PRICKLE2: variants seen among roughly 807,000 people sequenced by gnomAD.
PRICKLE2 encodes prickle planar cell polarity protein 2.
A neutral mutation model predicts 81.4 loss-of-function variants in PRICKLE2; 21 were observed. That is an observed-to-expected ratio of 0.26 (90% confidence interval 0.18 to 0.37). The LOEUF (loss-of-function observed/expected upper bound fraction) is 0.37. Among genes scored for constraint, PRICKLE2 ranks in the 10% least tolerant of loss-of-function variants. The pLI, the probability that PRICKLE2 is intolerant of heterozygous loss-of-function variation, is 1.00. For synonymous variants in PRICKLE2, 456 were observed against 421.5 expected, an observed-to-expected ratio of 1.08 and a Z score of -1.00; for missense variants, 940 against 1,109.0, an observed-to-expected ratio of 0.85 and a Z score of 2.16.
intron 2 of PRICKLE2, among the ~76,000 whole-genome samples, chr3:64,179,524 C>G (rs974178582): frequency 6.6e-6 from 1 of 152,152 alleles, no homozygotes; most frequent in Non-Finnish European, 1.5e-5. Flanking sequence ...AAATAGACCA[C>G]TTGTTTATTC....
chr3:64,258,844 AAAAAGAAAGAAAGAAAG>A (rs2079569555), intron 2 of PRICKLE2, among the ~76,000 whole-genome samples: 2 of 84,172 alleles, frequency 2.4e-5, no homozygotes, highest in Admixed American at 1.6e-4. Flanking sequence ...AAAAAAAAAA[AAAAAGAAAGAAAGAAAG>A]AAAGAAAGAA....
chr3:64,142,366 A>G (rs1278033026), intron 7 of PRICKLE2, among the ~76,000 whole-genome samples: 1 of 141,136 alleles, frequency 7.1e-6, no homozygotes, highest in East Asian at 2.1e-4. Flanking sequence ...GCTGGGGTGC[A>G]GTGGTGTGAT....
chr3:64,155,422 C>G (rs997820384), intron 5 of PRICKLE2, among the ~76,000 whole-genome samples: 1 of 150,636 alleles, frequency 6.6e-6, no homozygotes, highest in Admixed American at 6.6e-5. Context: ...AATTGGAATC[C>G]TCATTCATTG....
At chr3:64,165,186 G>C (rs1001008266) in intron 2 of PRICKLE2, among the ~76,000 whole-genome samples, 13 of 152,096 alleles carry the variant, frequency 8.5e-5, no homozygotes, top group Admixed American at 7.9e-4. Context: ...CATACCCCCT[G>C]TCCATTGCCT....
intron 2 of PRICKLE2, among the ~76,000 whole-genome samples, chr3:64,191,365 T>C (rs912313050): frequency 2.0e-5 from 3 of 152,146 alleles, no homozygotes; most frequent in African/African-American, 4.8e-5. Context: ...TTGAGCAACT[T>C]CTACGTGCAG....
At chr3:64,248,698 C>T (rs184490905) in intron 2 of PRICKLE2, among the ~76,000 whole-genome samples, 105 of 151,790 alleles carry the variant, frequency 6.9e-4, no homozygotes, top group Middle Eastern at 3.4e-3. Context: ...CCCTCCCCAT[C>T]CCATTCCATA....
chr3:64,225,947 C>T (rs1055761272), upstream of PRICKLE2, among the ~76,000 whole-genome samples: 4 of 151,300 alleles, frequency 2.6e-5, no homozygotes, highest in African/African-American at 4.9e-5. Context: ...TGTTTTTTGG[C>T]CTGAGACTAT....
At chr3:64,237,148 G>A in intron 2 of PRICKLE2, among the ~76,000 whole-genome samples, 1 of 152,104 alleles carries the variant, frequency 6.6e-6, no homozygotes, top group African/African-American at 2.4e-5. Context: ...AGTGTCTAGG[G>A]ATTGTCTATG....
chr3:64,141,119 A>G (rs1209736103), intron 7 of PRICKLE2, among the ~76,000 whole-genome samples: 1 of 152,246 alleles, frequency 6.6e-6, no homozygotes, highest in East Asian at 1.9e-4. Context: ...ACATGAAGCC[A>G]TTAGCATGTC....
intron 7 of PRICKLE2, chr3:64,102,967 T>A (rs983193118): frequency 6.6e-6 from 1 of 152,162 alleles, no homozygotes; most frequent in Non-Finnish European, 1.5e-5. Context: ...TGTGTGTGTG[T>A]GCGTGTGTGT....
At chr3:64,136,180 C>G (rs775876404) in intron 7 of PRICKLE2, among the ~76,000 whole-genome samples, 2 of 152,022 alleles carry the variant, frequency 1.3e-5, no homozygotes, top group Non-Finnish European at 2.9e-5. Context: ...ATATAATCCA[C>G]TTTTTCTTTT....
chr3:64,175,212 T>A (rs1002719651), intron 2 of PRICKLE2: 1 of 161,036 alleles, frequency 6.2e-6, no homozygotes, highest in African/African-American at 2.4e-5. Context: ...AAACCTGCTT[T>A]TAGCATTTCA....
chr3:64,196,453 A>G (rs1274186583), intron 2 of PRICKLE2, among the ~76,000 whole-genome samples: 2 of 152,206 alleles, frequency 1.3e-5, no homozygotes, highest in African/African-American at 4.8e-5. Context: ...TAGAATGGCA[A>G]TGTCAAACAA....
At chr3:64,100,377 C>T (rs1376058297) in intron 7 of PRICKLE2, 1 of 167,860 alleles carries the variant, frequency 6.0e-6, no homozygotes, top group Admixed American at 5.5e-5. Context: ...CTGGCAATAC[C>T]AAACACTGGT....
chr3:64,122,709 G>A (rs1244154801), intron 7 of PRICKLE2, among the ~76,000 whole-genome samples: 1 of 152,092 alleles, frequency 6.6e-6, no homozygotes, highest in Non-Finnish European at 1.5e-5. Context: ...TCAGACGCAG[G>A]CTTTCCAGGA....
chr3:64,169,576 C>T (rs927147271), intron 2 of PRICKLE2, among the ~76,000 whole-genome samples: 11 of 152,112 alleles, frequency 7.2e-5, no homozygotes, highest in Non-Finnish European at 1.5e-4. Context: ...GAGGCCAGAA[C>T]TATGCACTCT....
intron 7 of PRICKLE2, among the ~76,000 whole-genome samples, chr3:64,123,740 C>A (rs2077064543): frequency 6.6e-6 from 1 of 152,146 alleles, no homozygotes; most frequent in African/African-American, 2.4e-5. Context: ...TCATGAATTG[C>A]ACCCATATAA....
Position 64,147,587 on chromosome 3 carries a change from C to T in PRICKLE2, c.903G>A (p.Gln301=), listed in dbSNP as rs1193782097. Residue 301 remains glutamine (Q), a synonymous_variant, in exon 7 of 8, where the codon CAG becomes CAA. Transcript: ENST00000638394. The surrounding 1 kb of genome is among the most constrained non-coding windows in gnomAD (Gnocchi z 5.0). ...SLLGRPFLPK[Q]GQIFCSRACS... ...AGGCCCGTGAGCAGAATATCTGGCC[C>T]TGCTTCGGGAGGAATGGCCGCCCCA... 1.9e-6 allele frequency: 3 copies of T among 1,614,118 alleles called. No individual in the cohort carries two copies. The highest frequency in any genetic ancestry group is 1.3e-5 in the African/African-American group (1 of 74,942).
At chr3:64,239,911 T>C (rs1355715965) in intron 2 of PRICKLE2, among the ~76,000 whole-genome samples, 8 of 142,086 alleles carry the variant, frequency 5.6e-5, no homozygotes, top group Non-Finnish European at 1.0e-4. Context: ...GCCCAGGAGT[T>C]TGAGACCAGC....
Sources: allele counts gnomAD v4.1 joint callset (sites outside exome capture counted in the v4.1 genomes callset), GRCh38; gene constraint gnomAD v4.1.1; non-coding constraint Gnocchi (gnomAD v3.1); transcripts MANE v1.5; gene names NCBI Gene and HGNC (gene_info 2026-07-23, HGNC 2026-07-21).